Variants in PHYHIPL observed in about 807,000 individuals in gnomAD.
The protein encoded by PHYHIPL is phytanoyl-CoA hydroxylase-interacting protein-like.
PHYHIPL carries 9 observed loss-of-function variants against 33.4 expected under a neutral mutation model. The observed-to-expected ratio is 0.27, with a 90% confidence interval of 0.16 to 0.47. The LOEUF is 0.47. Ranked by LOEUF, PHYHIPL falls within the 20% of genes least tolerant of loss-of-function variation. The pLI, the probability that PHYHIPL is intolerant of heterozygous loss-of-function variation, is 0.99. For missense variants in PHYHIPL, 365 were observed against 460.7 expected, an observed-to-expected ratio of 0.79 and a Z score of 1.90; for synonymous variants, 153 against 154.1, an observed-to-expected ratio of 0.99 and a Z score of 0.05.
chr10:59,236,747 T>A, intron 3 of PHYHIPL, 90 bp downstream of exon 3: 1 of 1,131,286 alleles, frequency 8.8e-7, no homozygotes, highest in South Asian at 2.1e-5. Flanking sequence ...AATTATAAAG[T>A]GATATATGTG....
intron 1 of PHYHIPL, among the ~76,000 whole-genome samples, chr10:59,212,082 A>G (rs1046861083): frequency 2.0e-5 from 3 of 152,056 alleles, no homozygotes; most frequent in Non-Finnish European, 4.4e-5. Flanking sequence ...TTAGCTTTAT[A>G]AGAAGAAGAA....
rs141543186 is a variant in PHYHIPL, at chr10:59,232,426, G to A, written c.107-1878G>A. ...AAATATAATTTGAGCAAAGGTTTTC[G>A]CTTATAATAACAGTAACATTTTTTC... On this transcript the variant is annotated intron_variant, in intron 1 of 4. Coordinates refer to ENST00000373880, the MANE Select transcript of PHYHIPL (RefSeq NM_032439.4). Among the ~76,000 whole-genome samples the A allele has an allele frequency of 3.0e-3, 451 of 151,810 alleles. 2 individuals carry two copies. The highest frequency in any genetic ancestry group is 0.01 in the African/African-American group (428 of 41,468).
chr10:59,225,888 GA>G (rs1213978875), intron 1 of PHYHIPL, among the ~76,000 whole-genome samples: 5 of 151,824 alleles, frequency 3.3e-5, no homozygotes, highest in African/African-American at 9.7e-5. Flanking sequence ...TCCATATGAT[GA>G]AAAAACAAAA....
chr10:59,221,066 A>G (rs923793930), intron 1 of PHYHIPL, among the ~76,000 whole-genome samples: 1 of 152,046 alleles, frequency 6.6e-6, no homozygotes, highest in Non-Finnish European at 1.5e-5. Context: ...TGATTTGCCC[A>G]GACTAGACTA....
chr10:59,219,575 A>G (rs933982212), intron 1 of PHYHIPL, among the ~76,000 whole-genome samples: 4 of 152,160 alleles, frequency 2.6e-5, no homozygotes, highest in Admixed American at 6.5e-5. Flanking sequence ...TTTGATATGA[A>G]TAGTGATCAC....
In PHYHIPL at chr10:59,245,457, A is replaced by G. The variant is rs1840622881; in HGVS notation, c.997A>G (p.Ile333Val). 6.2e-7 allele frequency: 1 copy of G among 1,614,048 alleles called. No individual in the cohort carries two copies. Among genetic ancestry groups the G allele is most frequent in the African/African-American group, 1.3e-5 (1 of 74,920 alleles). The change falls in exon 5 of 5, where the codon ATT becomes GTT. Residue 333 changes from isoleucine (I) to valine (V), a missense_variant. Coordinates refer to ENST00000373880, the MANE Select transcript of PHYHIPL (RefSeq NM_032439.4). ...HHAQDVILEV[I>V]YTDPVDLSVG... The stretch of plus-strand genomic sequence containing the variant: ...TGCCCAGGATGTCATTTTAGAAGTC[A>G]TTTACACTGACCCTGTGGATCTTTC...
At position 59,176,852 on chromosome 10, in the gene PHYHIPL, A is replaced by G; in HGVS notation, c.-2A>G. 6.2e-7 allele frequency: 1 copy of G among 1,611,866 alleles called. No homozygotes were observed. Among genetic ancestry groups the G allele is most frequent in the Non-Finnish European group, 8.5e-7 (1 of 1,179,100 alleles). ...AGGCGGGCTTCAGAGTGGGTTGGAA[A>G]AATGGAGGTGCCGCGCCTGGATCAT... On this transcript the variant is annotated 5_prime_UTR_variant, in exon 1 of 5. Transcript: ENST00000373880.
intron 4 of PHYHIPL, among the ~76,000 whole-genome samples, chr10:59,242,013 AAAAC>A (rs764993157): frequency 1.1e-4 from 17 of 152,196 alleles, no homozygotes; most frequent in South Asian, 1.0e-3. Context: ...GTATAGGAAA[AAAAC>A]AAACAAACCG....
In PHYHIPL at chr10:59,208,250, T is replaced by A. The variant is rs1215479554; in HGVS notation, c.107-26054T>A. ...GAACAGGCAGCAATCTTTGCTGTTC[T>A]GCAGCCTCTGCTGGTAATACCCAGG... On this transcript the variant is annotated intron_variant, in intron 1 of 4. Coordinates refer to ENST00000373880, the MANE Select transcript of PHYHIPL (RefSeq NM_032439.4). Among the ~76,000 whole-genome samples the A allele has an allele frequency of 1.4e-4, 22 of 152,226 alleles. 2 individuals are homozygous for A. Among genetic ancestry groups the A allele is most frequent in the Admixed American group, 1.4e-3 (22 of 15,292 alleles).
At chr10:59,221,781 G>A (rs1465703917) in intron 1 of PHYHIPL, 1 of 711,092 alleles carries the variant, frequency 1.4e-6, no homozygotes, top group South Asian at 6.4e-5. Flanking sequence ...TGAATTAACT[G>A]CATTTAGATT....
At chr10:59,184,919 G>A (rs975972260) in intron 1 of PHYHIPL, among the ~76,000 whole-genome samples, 4 of 150,602 alleles carry the variant, frequency 2.7e-5, no homozygotes, top group Non-Finnish European at 5.9e-5. Flanking sequence ...TTGTCCTTGC[G>A]ATAGTTTGCT....
At chr10:59,187,130 T>C (rs967365157) in intron 1 of PHYHIPL, among the ~76,000 whole-genome samples, 1 of 152,234 alleles carries the variant, frequency 6.6e-6, no homozygotes, top group African/African-American at 2.4e-5. Context: ...TATTTTGAGA[T>C]ACGTCCCTTC....
intron 1 of PHYHIPL, among the ~76,000 whole-genome samples, chr10:59,185,426 CG>C (rs1288361515): frequency 2.0e-5 from 3 of 152,126 alleles, no homozygotes; most frequent in African/African-American, 7.2e-5. Context: ...AATAAACATA[CG>C]TGTGCATGTG....
chr10:59,220,285 C>T (rs1476138454), intron 1 of PHYHIPL, among the ~76,000 whole-genome samples: 1 of 151,904 alleles, frequency 6.6e-6, no homozygotes, highest in East Asian at 1.9e-4. Context: ...TTGACAAGTT[C>T]CCTCAATTTA....
Position 59,238,686 on chromosome 10 carries a change from G to C in PHYHIPL, c.577G>C (p.Glu193Gln). ...FSVFYRNQHKEYFDYVREHHG... is the reference protein window; with the variant it reads ...FSVFYRNQHKQYFDYVREHHG... ...TGTTTTTTATCGTAATCAGCACAAA[G>C]AATATTTTGACTATGTTCGGTAAGA... Residue 193 changes from glutamate to glutamine, a missense_variant, in exon 4 of 5, where the codon GAA becomes CAA. Around this residue, in one of 4 missense-constraint regions of PHYHIPL, gnomAD observed 196 missense variants for 224.9 expected, o/e 0.87. Coordinates refer to ENST00000373880, the MANE Select transcript of PHYHIPL (RefSeq NM_032439.4). 6.3e-7 allele frequency: 1 copy of C among 1,586,104 alleles called. No homozygotes were observed.
At chr10:59,188,497 C>T (rs1838683395) in intron 1 of PHYHIPL, among the ~76,000 whole-genome samples, 1 of 152,064 alleles carries the variant, frequency 6.6e-6, no homozygotes. Context: ...TGGTGCAGAG[C>T]TGAGTTCAAT....
At chr10:59,188,484 G>A (rs1286356294) in intron 1 of PHYHIPL, among the ~76,000 whole-genome samples, 1 of 152,058 alleles carries the variant, frequency 6.6e-6, no homozygotes, top group African/African-American at 2.4e-5. Flanking sequence ...TATTAGGTCC[G>A]CTTGGTGCAG....
Position 59,201,363 on chromosome 10 carries a change from T to C in PHYHIPL, c.106+24404T>C, listed in dbSNP as rs749836586. The stretch of plus-strand genomic sequence containing the variant: ...GTTGTTCGTTTTCCATGTAGTTGAG[T>C]GGTTTTGAGTGAGTTTCTTAATCCT... On this transcript the variant is annotated intron_variant, in intron 1 of 4. Coordinates refer to ENST00000373880, the MANE Select transcript of PHYHIPL (RefSeq NM_032439.4). Among the ~76,000 whole-genome samples the C allele has an allele frequency of 7.9e-5, 12 of 152,250 alleles. No homozygotes were observed. The East Asian group carries it at 9.7e-4, about 12-fold the overall frequency.
chr10:59,237,385 A>G (rs1840258448), intron 3 of PHYHIPL, among the ~76,000 whole-genome samples: 1 of 151,916 alleles, frequency 6.6e-6, no homozygotes, highest in Admixed American at 6.6e-5. Flanking sequence ...TCTCTACCTG[A>G]GTACTCCTGT....
Sources: allele counts gnomAD v4.1 joint callset (sites outside exome capture counted in the v4.1 genomes callset), GRCh38; gene constraint gnomAD v4.1.1; regional missense constraint gnomAD v4.1.1; transcripts MANE v1.5; gene names NCBI Gene and HGNC (gene_info 2026-07-23, HGNC 2026-07-21).